Variants in GABBR2 observed in about 807,000 individuals in gnomAD.
GABBR2 encodes gamma-aminobutyric acid type B receptor subunit 2.
GABBR2 carries 23 observed loss-of-function variants against 105.6 expected under a neutral mutation model. The ratio of observed to expected loss-of-function variants is 0.22; its 90% CI spans 0.16 to 0.31. GABBR2 has a LOEUF of 0.31. GABBR2 is among the 10% of genes least tolerant of loss of function. The pLI is 1.00. For missense variants in GABBR2, 734 were observed against 1,245.5 expected (o/e 0.59, Z 6.18); for synonymous variants, 478 against 499.7 (o/e 0.96, Z 0.58).
intron 13 of GABBR2, among the ~76,000 whole-genome samples, chr9:98,338,735 A>G (rs548033246): frequency 6.6e-6 from 1 of 152,218 alleles, no homozygotes; most frequent in Non-Finnish European, 1.5e-5. Flanking sequence ...AAATGTTAAC[A>G]TGAGTTAACA....
intron 1 of GABBR2, among the ~76,000 whole-genome samples, chr9:98,591,372 C>T (rs111888167): frequency 7.9e-4 from 120 of 152,258 alleles, no homozygotes; most frequent in African/African-American, 2.6e-3. Context: ...TGAGCCAGTG[C>T]GTCGGGAACA....
At chr9:98,494,646 AT>A (rs1827241378) in intron 4 of GABBR2, among the ~76,000 whole-genome samples, 1 of 152,164 alleles carries the variant, frequency 6.6e-6, no homozygotes, top group African/African-American at 2.4e-5. Context: ...TGAAACAGGG[AT>A]ACAAAAATTC....
At chr9:98,683,110 C>T (rs746757291) in intron 1 of GABBR2, among the ~76,000 whole-genome samples, 1 of 152,110 alleles carries the variant, frequency 6.6e-6, no homozygotes, top group Non-Finnish European at 1.5e-5. Context: ...TCCACCTCCC[C>T]CGAGACGGAG....
intron 1 of GABBR2, among the ~76,000 whole-genome samples, chr9:98,629,890 C>A (rs964544532): frequency 6.6e-6 from 1 of 152,104 alleles, no homozygotes; most frequent in Non-Finnish European, 1.5e-5. Flanking sequence ...AATACTGCAC[C>A]GGTATTAAGA....
intron 2 of GABBR2, among the ~76,000 whole-genome samples, chr9:98,573,495 G>A (rs148915911): frequency 1.3e-5 from 2 of 152,242 alleles, no homozygotes; most frequent in African/African-American, 2.4e-5. Context: ...TGTTCCCCAG[G>A]CTGGCCTCAA....
intron 4 of GABBR2, among the ~76,000 whole-genome samples, chr9:98,490,842 C>A (rs971193241): frequency 6.6e-6 from 1 of 152,188 alleles, no homozygotes; most frequent in South Asian, 2.1e-4. Context: ...ACTTTAGCCA[C>A]CCCCTGTTCA....
At chr9:98,688,730 G>A (rs1279829283) in intron 1 of GABBR2, among the ~76,000 whole-genome samples, 1 of 152,124 alleles carries the variant, frequency 6.6e-6, no homozygotes, top group Non-Finnish European at 1.5e-5. Flanking sequence ...CACCCTCTGA[G>A]CATCCACATT....
At chr9:98,336,815 A>T (rs971553774) in intron 13 of GABBR2, among the ~76,000 whole-genome samples, 4 of 47,348 alleles carry the variant, frequency 8.4e-5, no homozygotes, top group African/African-American at 3.5e-4. Context: ...AGAATGAATT[A>T]AAAAAAACAT....
chr9:98,377,135 T>C (rs1831888983), intron 11 of GABBR2, among the ~76,000 whole-genome samples: 2 of 152,106 alleles, frequency 1.3e-5, no homozygotes, highest in Admixed American at 1.3e-4. Context: ...GAGGCCTTTC[T>C]TCCTGTTCCC....
intron 1 of GABBR2, among the ~76,000 whole-genome samples, chr9:98,615,931 GT>G (rs1281983507): frequency 6.6e-6 from 1 of 152,216 alleles, no homozygotes; most frequent in African/African-American, 2.4e-5. Flanking sequence ...GTTTGCACCT[GT>G]TTGTGCCTCA....
intron 13 of GABBR2, among the ~76,000 whole-genome samples, chr9:98,334,723 G>C (rs560100300): frequency 3.3e-5 from 5 of 152,338 alleles, no homozygotes; most frequent in Admixed American, 2.6e-4. Flanking sequence ...TGTCCCCTAA[G>C]GGGTGGTTCA....
chr9:98,607,813 C>A (rs1829451076), intron 1 of GABBR2: 2 of 877,408 alleles, frequency 2.3e-6, no homozygotes, highest in Non-Finnish European at 3.8e-6. Context: ...TAAAGGGCAG[C>A]TGACCAAGAG....
chr9:98,678,312 C>T (rs1373633685), intron 1 of GABBR2, among the ~76,000 whole-genome samples: 1 of 152,210 alleles, frequency 6.6e-6, no homozygotes, highest in Non-Finnish European at 1.5e-5. Flanking sequence ...GGGGACACTA[C>T]CAACCACTGC....
rs539295709 is a variant in GABBR2 at position 98,619,192 on chromosome 9, A to T, written c.322-41120T>A. Among the ~76,000 whole-genome samples the T allele has an allele frequency of 2.6e-5, 4 of 152,240 alleles. No individual in the cohort carries two copies. The East Asian group carries it at 7.7e-4, about 29-fold the overall frequency. ...AAACAGAAATAATAAAAATAGACAA[A>T]CCCAAAAGAAGGTAATAAAAGAAAC... On this transcript the variant is annotated intron_variant, in intron 1 of 18. Transcript: ENST00000259455.
chr9:98,498,671 T>C (rs1827335522), intron 3 of GABBR2, among the ~76,000 whole-genome samples: 1 of 152,266 alleles, frequency 6.6e-6, no homozygotes, highest in South Asian at 2.1e-4. Flanking sequence ...GTGATCAATG[T>C]TTTGTAAAAA....
chr9:98,572,205 CTAAG>C (rs1451067145), intron 2 of GABBR2, among the ~76,000 whole-genome samples: 2 of 152,208 alleles, frequency 1.3e-5, no homozygotes, highest in Non-Finnish European at 2.9e-5. Flanking sequence ...TTCCCAGTGG[CTAAG>C]TGACTCACAT....
intron 1 of GABBR2, among the ~76,000 whole-genome samples, chr9:98,679,054 A>G (rs1830508743): frequency 6.6e-6 from 1 of 152,176 alleles, no homozygotes; most frequent in South Asian, 2.1e-4. Context: ...CCTCCAGGAC[A>G]TGACAAAGTC....
In GABBR2 at chr9:98,483,972, C is replaced by T. The variant is rs537650752; in HGVS notation, c.733-2975G>A. 7.9e-5 allele frequency among the ~76,000 whole-genome samples: 12 copies of T among 152,300 alleles called. No individual in the cohort carries two copies. The South Asian group carries it at 1.5e-3, about 18-fold the overall frequency. On this transcript the variant is annotated intron_variant, in intron 4 of 18. Coordinates refer to ENST00000259455, the MANE Select transcript of GABBR2 (RefSeq NM_005458.8). ...TGTCAACAAATATGTGTTGAATGCA[C>T]GATGAAGTGAATTAATCCAGTGTGC...
chr9:98,684,585 C>T (rs983607864), intron 1 of GABBR2, among the ~76,000 whole-genome samples: 9 of 152,114 alleles, frequency 5.9e-5, no homozygotes, highest in African/African-American at 1.4e-4. Flanking sequence ...AAAGTCCAAC[C>T]GAAACTGCTC....
Sources: gnomAD v4.1 joint callset for allele counts (sites outside exome capture counted in the v4.1 genomes callset) on GRCh38, gnomAD v4.1.1 for gene constraint, MANE v1.5 for transcripts, NCBI Gene and HGNC (gene_info 2026-07-23, HGNC 2026-07-21) for gene names.